The following MCTP1 variants were observed in gnomAD, a reference collection of about 807,000 sequenced individuals.
The protein encoded by MCTP1 is multiple C2 and transmembrane domain-containing protein 1.
Under a neutral mutation model 120.6 loss-of-function variants are expected in MCTP1, and 69 were observed. The ratio of observed to expected loss-of-function variants is 0.57; its 90% CI spans 0.47 to 0.70. The LOEUF is 0.70. Among genes scored for constraint, MCTP1 ranks in the 30% least tolerant of loss-of-function variants. MCTP1 has a pLI of 0.00. For missense variants in MCTP1, 1,203 were observed against 1,248.8 expected, an observed-to-expected ratio of 0.96 and a Z score of 0.55; for synonymous variants, 529 against 493.1, an observed-to-expected ratio of 1.07 and a Z score of -0.96.
intron 7 of MCTP1, among the ~76,000 whole-genome samples, chr5:94,919,619 G>A (rs1012073983): frequency 1.3e-5 from 2 of 152,188 alleles, no homozygotes; most frequent in African/African-American, 2.4e-5. Flanking sequence ...AGCACAGGGT[G>A]CATGTGCTTT....
intron 2 of MCTP1, 150 bp from the exon 3 acceptor site, chr5:94,953,511 AT>A (rs1034854776): frequency 6.2e-6 from 3 of 481,658 alleles, no homozygotes; most frequent in African/African-American, 2.0e-5. Flanking sequence ...TTTCTTATGA[AT>A]TTTTTATTAT....
intron 17 of MCTP1, chr5:94,826,772 CTTTTTTTTTTTTTTTT>C (rs61324420): frequency 4.2e-4 from 18 of 42,994 alleles, no homozygotes; most frequent in South Asian, 3.3e-3. Context: ...GTGACCCCTG[CTTTTTTTTTTTTTTTT>C]TTTTTTTTTT....
At chr5:95,206,456 T>C (rs892865833) in intron 1 of MCTP1, among the ~76,000 whole-genome samples, 3 of 152,142 alleles carry the variant, frequency 2.0e-5, no homozygotes, top group African/African-American at 4.8e-5. Context: ...GAAGCTGTTA[T>C]AAGAAAAAAA....
chr5:94,862,460 T>C (rs1795991716), intron 17 of MCTP1, among the ~76,000 whole-genome samples: 1 of 151,852 alleles, frequency 6.6e-6, no homozygotes. Flanking sequence ...AGTGTTGCAC[T>C]GTGGACTTAG....
chr5:95,042,759 C>T lies in MCTP1; in HGVS notation c.721-25275G>A, dbSNP rs139432231. On this transcript the variant is annotated intron_variant, in intron 1 of 22. Transcript: ENST00000515393. Reference sequence around the variant, plus strand: ...CGGTATACACTGTCAATCACCTTGCCTTTCTCATTTAGTAACACCTTGGTG... The same window carrying T: ...CGGTATACACTGTCAATCACCTTGCTTTTCTCATTTAGTAACACCTTGGTG... Among the ~76,000 whole-genome samples, 176 of 152,292 alleles carry T rather than the reference C, an allele frequency of 1.2e-3. 1 individual carries two copies. The highest frequency in any genetic ancestry group is 0.011 in the East Asian group (59 of 5,182).
intron 1 of MCTP1, among the ~76,000 whole-genome samples, chr5:95,142,492 T>C (rs1760016838): frequency 6.6e-6 from 1 of 152,198 alleles, no homozygotes; most frequent in Non-Finnish European, 1.5e-5. Flanking sequence ...CAGACATATG[T>C]GATCAAAGTC....
At chr5:95,053,418 G>A (rs993195216) in intron 1 of MCTP1, among the ~76,000 whole-genome samples, 22 of 152,090 alleles carry the variant, frequency 1.4e-4, no homozygotes, top group African/African-American at 3.9e-4. Context: ...TTTGGATAGC[G>A]GGGAGGAGTG....
At chr5:95,261,441 A>G (rs1184333307) in intron 1 of MCTP1, among the ~76,000 whole-genome samples, 2 of 152,208 alleles carry the variant, frequency 1.3e-5, no homozygotes, top group African/African-American at 4.8e-5. Context: ...GCTTATTTAA[A>G]AATCTAATTT....
intron 17 of MCTP1, among the ~76,000 whole-genome samples, chr5:94,853,540 G>T (rs1794160262): frequency 6.6e-6 from 1 of 151,910 alleles, no homozygotes; most frequent in South Asian, 2.1e-4. Flanking sequence ...CATAGAGAAA[G>T]GTGCAATGAG....
At chr5:94,746,600 A>G (rs772652631) in intron 19 of MCTP1, among the ~76,000 whole-genome samples, 8 of 152,278 alleles carry the variant, frequency 5.3e-5, no homozygotes, top group Non-Finnish European at 1.2e-4. Flanking sequence ...AACAACAAAT[A>G]TAAGACATTT....
chr5:95,277,218 A>T (rs1479060515), intron 1 of MCTP1, among the ~76,000 whole-genome samples: 1 of 152,102 alleles, frequency 6.6e-6, no homozygotes, highest in African/African-American at 2.4e-5. Flanking sequence ...TACATCCCTG[A>T]CCCGGAGACC....
At chr5:94,858,213 G>A (rs1372131632) in intron 17 of MCTP1, among the ~76,000 whole-genome samples, 2 of 151,574 alleles carry the variant, frequency 1.3e-5, no homozygotes, top group Admixed American at 6.6e-5. Flanking sequence ...TGGGAAAAGC[G>A]TCATTTATAC....
At chr5:95,236,703 TCTA>T (rs1755581901) in intron 1 of MCTP1, among the ~76,000 whole-genome samples, 1 of 152,196 alleles carries the variant, frequency 6.6e-6, no homozygotes, top group Admixed American at 6.5e-5. Flanking sequence ...GGCTGAGTTG[TCTA>T]CTATTTGTCT....
At chr5:95,075,088 G>A (rs1366555865) in intron 1 of MCTP1, among the ~76,000 whole-genome samples, 2 of 152,322 alleles carry the variant, frequency 1.3e-5, no homozygotes, top group East Asian at 1.9e-4. Context: ...TCAACATTTT[G>A]TAAATATGAA....
chr5:95,087,880 C>A (rs996750827), intron 1 of MCTP1, among the ~76,000 whole-genome samples: 18 of 152,128 alleles, frequency 1.2e-4, no homozygotes, highest in African/African-American at 4.3e-4. Context: ...TTTAGGGAGA[C>A]CTTGCTTAAA....
chr5:95,006,184 A>G (rs1438082281), intron 2 of MCTP1, among the ~76,000 whole-genome samples: 1 of 152,220 alleles, frequency 6.6e-6, no homozygotes, highest in East Asian at 1.9e-4. Flanking sequence ...ATTTGAACAA[A>G]ATGATGTTAT....
chr5:94,729,513 T>G (rs1008963840), intron 19 of MCTP1, among the ~76,000 whole-genome samples: 2 of 152,124 alleles, frequency 1.3e-5, no homozygotes, highest in Non-Finnish European at 2.9e-5. Context: ...TCCTGTTTTC[T>G]TCCTTCTTCC....
intron 1 of MCTP1, among the ~76,000 whole-genome samples, chr5:95,201,468 T>TG: frequency 1.2e-3 from 3 of 2,544 alleles, no homozygotes; most frequent in African/African-American, 5.3e-3. Flanking sequence ...AAAGTGGTTT[T>TG]TTTTTTTTTT....
At chr5:95,163,797 T>C (rs1468356677) in intron 1 of MCTP1, among the ~76,000 whole-genome samples, 1 of 152,178 alleles carries the variant, frequency 6.6e-6, no homozygotes, top group Non-Finnish European at 1.5e-5. Flanking sequence ...TTGGGACATA[T>C]TTGTAACTTT....
Sources: allele counts gnomAD v4.1 joint callset (sites outside exome capture counted in the v4.1 genomes callset), GRCh38; gene constraint gnomAD v4.1.1; transcripts MANE v1.5; gene names NCBI Gene and HGNC (gene_info 2026-07-23, HGNC 2026-07-21).